SLC35F3: variants seen among roughly 807,000 people sequenced by gnomAD.
The protein encoded by SLC35F3 is solute carrier family 35 member F3.
SLC35F3 carries 25 observed loss-of-function variants against 49.9 expected under a neutral mutation model. That is an observed-to-expected ratio of 0.50 (90% confidence interval 0.37 to 0.70). The LOEUF is 0.70. Ranked by LOEUF, SLC35F3 falls within the 30% of genes least tolerant of loss-of-function variation. The pLI is 0.00. For missense variants in SLC35F3, 525 were observed against 639.8 expected (o/e 0.82, Z 1.94); for synonymous variants, 275 against 265.4 (o/e 1.04, Z -0.35).
chr1:234,312,714 GGAA>G (rs1657386379), intron 4 of SLC35F3, among the ~76,000 whole-genome samples: 1 of 152,126 alleles, frequency 6.6e-6, no homozygotes, highest in African/African-American at 2.4e-5. Flanking sequence ...AAGAGTTGGG[GGAA>G]GAATGATTAA....
intron 2 of SLC35F3, among the ~76,000 whole-genome samples, chr1:234,153,496 T>C (rs1020003854): frequency 3.9e-5 from 6 of 152,168 alleles, no homozygotes; most frequent in African/African-American, 1.4e-4. Context: ...GGAAAGCACA[T>C]ACCAAAATAT....
At chr1:233,912,609 GCCC>G (rs1467442933) in intron 2 of SLC35F3, among the ~76,000 whole-genome samples, 1 of 152,130 alleles carries the variant, frequency 6.6e-6, no homozygotes, top group Non-Finnish European at 1.5e-5. Context: ...TGCATTCCAG[GCCC>G]CCCAGTGGAT....
intron 2 of SLC35F3, among the ~76,000 whole-genome samples, chr1:234,151,827 A>G (rs1666079203): frequency 6.6e-6 from 1 of 152,142 alleles, no homozygotes; most frequent in Non-Finnish European, 1.5e-5. Context: ...ATCCAAAGCA[A>G]TGGAACAAAA....
Position 234,320,275 on chromosome 1 carries a change from T to C in SLC35F3, c.1237+88T>C, listed in dbSNP as rs79691078. 13,663 of 898,462 alleles carry C rather than the reference T, an allele frequency of 0.015. 898 individuals carry two copies. The highest frequency in any genetic ancestry group is 0.13 in the Admixed American group (7,717 of 57,248). 55.7% of individuals were successfully genotyped at this position (898,462 alleles called of 1,614,324 possible). The stretch of plus-strand genomic sequence containing the variant: ...ACACATACACACACTCATGCATACA[T>C]ACACACTCACACATACACTCACATA... On this transcript the variant is annotated intron_variant, in intron 7 of 7. Coordinates refer to ENST00000366618, the MANE Select transcript of SLC35F3 (RefSeq NM_173508.4). The surrounding 1 kb of genome is among the most constrained non-coding windows in gnomAD (Gnocchi z 4.8).
chr1:233,950,662 A>G (rs1662591860), intron 2 of SLC35F3, among the ~76,000 whole-genome samples: 1 of 151,940 alleles, frequency 6.6e-6, no homozygotes, highest in Admixed American at 6.6e-5. Context: ...CAAACCAAAA[A>G]TGGCAGAGAA....
chr1:234,124,604 T>C (rs1558236028), intron 2 of SLC35F3, among the ~76,000 whole-genome samples: 2 of 152,202 alleles, frequency 1.3e-5, no homozygotes, highest in Non-Finnish European at 2.9e-5. Context: ...CAGTGGCTCA[T>C]GCCTGTAATC....
intron 2 of SLC35F3, among the ~76,000 whole-genome samples, chr1:233,960,170 A>G (rs1229391825): frequency 1.3e-5 from 2 of 152,070 alleles, no homozygotes; most frequent in Non-Finnish European, 2.9e-5. Flanking sequence ...CAATATGCCA[A>G]TTGGTGTGCA....
At position 234,277,881 on chromosome 1, in the gene SLC35F3, G is replaced by A. The variant is rs899970260; in HGVS notation, c.609-31220G>A. 6.6e-5 allele frequency among the ~76,000 whole-genome samples: 10 copies of A among 152,176 alleles called. No homozygotes were observed. In the South Asian group the frequency reaches 1.0e-3, roughly 16 times the overall value. ...TATTAACTCTAAAAGGAGGATGTGC[G>A]GCATCACTTGGGAAAAAGAAAGACT... On this transcript the variant is annotated intron_variant, in intron 3 of 7. Coordinates refer to ENST00000366618, the MANE Select transcript of SLC35F3 (RefSeq NM_173508.4).
At chr1:234,054,937 C>T (rs1428832946) in intron 2 of SLC35F3, among the ~76,000 whole-genome samples, 1 of 152,164 alleles carries the variant, frequency 6.6e-6, no homozygotes, top group Non-Finnish European at 1.5e-5. Context: ...CTGAGTATCA[C>T]CAGCGGAGGC....
At chr1:234,262,713 C>T (rs957827718) in intron 3 of SLC35F3, among the ~76,000 whole-genome samples, 13 of 152,214 alleles carry the variant, frequency 8.5e-5, no homozygotes, top group Admixed American at 5.9e-4. Flanking sequence ...GCTTCAGGCA[C>T]TGGTACAGAA....
rs528009931 is a variant in SLC35F3 at position 234,020,118 on chromosome 1, G to A, written c.283+114360G>A. Among the ~76,000 whole-genome samples the A allele has an allele frequency of 6.6e-4, 100 of 151,344 alleles. 2 individuals carry two copies. Among genetic ancestry groups the A allele is most frequent in the African/African-American group, 1.8e-3 (73 of 41,144 alleles). On this transcript the variant is annotated intron_variant, in intron 2 of 7. Coordinates refer to ENST00000366618, the MANE Select transcript of SLC35F3 (RefSeq NM_173508.4). The stretch of plus-strand genomic sequence containing the variant: ...CCAAAGCCATGTGGGTAAGCTGCAC[G>A]CCATTCCATCCCACACAAAAAAAAA...
At chr1:233,977,460 C>G (rs1448972696) in intron 2 of SLC35F3, among the ~76,000 whole-genome samples, 1 of 152,130 alleles carries the variant, frequency 6.6e-6, no homozygotes, top group Non-Finnish European at 1.5e-5. Flanking sequence ...TGCCAGAGTA[C>G]CTGGTTCTGG....
chr1:234,081,203 G>T (rs999113038), intron 2 of SLC35F3, among the ~76,000 whole-genome samples: 3 of 152,176 alleles, frequency 2.0e-5, no homozygotes, highest in Non-Finnish European at 4.4e-5. Context: ...CAATCTTCAA[G>T]TGGCATACAG....
chr1:234,172,770 C>A (rs1666417877), intron 2 of SLC35F3, among the ~76,000 whole-genome samples: 1 of 152,152 alleles, frequency 6.6e-6, no homozygotes, highest in Non-Finnish European at 1.5e-5. Flanking sequence ...GTATTTGTGT[C>A]TCTAAACATA....
At chr1:233,996,453 C>G (rs1663462643) in intron 2 of SLC35F3, among the ~76,000 whole-genome samples, 1 of 152,012 alleles carries the variant, frequency 6.6e-6, no homozygotes, top group Non-Finnish European at 1.5e-5. Context: ...ATTCCTAGTG[C>G]TCGGCCCACC....
intron 2 of SLC35F3, among the ~76,000 whole-genome samples, chr1:234,114,103 G>A (rs1168218722): frequency 1.3e-5 from 2 of 152,312 alleles, no homozygotes; most frequent in Middle Eastern, 3.4e-3. Context: ...TGACATCACA[G>A]ACTGTGTTTG....
chr1:233,930,154 A>T (rs1017172003), intron 2 of SLC35F3, among the ~76,000 whole-genome samples: 1 of 82,478 alleles, frequency 1.2e-5, no homozygotes, highest in Non-Finnish European at 3.0e-5. Flanking sequence ...ATTTCTTAAA[A>T]GAAAAAAAAA....
chr1:233,993,595 T>C (rs1245739412), intron 2 of SLC35F3, among the ~76,000 whole-genome samples: 2 of 152,166 alleles, frequency 1.3e-5, no homozygotes, highest in African/African-American at 4.8e-5. Context: ...AATACCCTCA[T>C]TTTACAGCTG....
intron 2 of SLC35F3, among the ~76,000 whole-genome samples, chr1:234,184,151 C>A (rs74147551): frequency 0.021 from 3,052 of 148,570 alleles, 84 homozygotes; most frequent in African/African-American, 0.065. Flanking sequence ...AAAAAAAAAA[C>A]AAAAAACCTA....
Sources: allele counts gnomAD v4.1 joint callset (sites outside exome capture counted in the v4.1 genomes callset), GRCh38; gene constraint gnomAD v4.1.1; non-coding constraint Gnocchi (gnomAD v3.1); transcripts MANE v1.5; gene names NCBI Gene and HGNC (gene_info 2026-07-23, HGNC 2026-07-21).